Variants in USH2A observed in about 807,000 individuals in gnomAD.
USH2A encodes Usher syndrome 2A (autosomal recessive, mild).
A neutral mutation model predicts 538.9 loss-of-function variants in USH2A; 443 were observed. The ratio of observed to expected loss-of-function variants is 0.82; its 90% CI spans 0.76 to 0.89. USH2A has a LOEUF of 0.89. USH2A is among the 40% of genes least tolerant of loss of function. The pLI, the probability that USH2A is intolerant of heterozygous loss-of-function variation, is 0.00. For synonymous variants in USH2A, 2,413 were observed against 2,273.5 expected (o/e 1.06, Z -1.75); for missense variants, 6,633 against 6,324.8 (o/e 1.05, Z -1.65).
chr1:216,086,556 ATGGTTCCTTT>A, intron 24 of USH2A, among the ~76,000 whole-genome samples, 153 bp downstream of exon 24: 1 of 152,152 alleles, frequency 6.6e-6, no homozygotes, highest in African/African-American at 2.4e-5. Flanking sequence ...TATGGAATAC[ATGGTTCCTTT>A]AAAAAAAAGA....
intron 21 of USH2A, among the ~76,000 whole-genome samples, chr1:216,125,632 G>T (rs1304409215): frequency 6.6e-6 from 1 of 152,112 alleles, no homozygotes; most frequent in African/African-American, 2.4e-5. Flanking sequence ...GTTGCCTCTG[G>T]ATAAACATCT....
chr1:215,784,088 G>C (rs1661722790), intron 52 of USH2A, among the ~76,000 whole-genome samples: 1 of 152,038 alleles, frequency 6.6e-6, no homozygotes, highest in African/African-American at 2.4e-5. Context: ...GCCACTTGTT[G>C]CCTGTGATGG....
intron 21 of USH2A, among the ~76,000 whole-genome samples, chr1:216,128,497 A>T (rs1490457520): frequency 2.0e-5 from 3 of 152,090 alleles, no homozygotes; most frequent in Admixed American, 6.6e-5. Context: ...CATAGACAAG[A>T]TCCCATTTAA....
At chr1:216,210,659 G>A (rs1244454702) in intron 15 of USH2A, among the ~76,000 whole-genome samples, 4 of 152,092 alleles carry the variant, frequency 2.6e-5, no homozygotes, top group Non-Finnish European at 2.9e-5. Flanking sequence ...AGTAGTAACT[G>A]TTGTAGTGAT....
intron 58 of USH2A, among the ~76,000 whole-genome samples, chr1:215,756,417 C>T (rs895904384): frequency 4.6e-5 from 7 of 152,172 alleles, no homozygotes; most frequent in South Asian, 2.1e-4. Context: ...CATGGGACTT[C>T]CCAGTCATAT....
At chr1:216,222,092 G>A (rs765766884) in intron 14 of USH2A, among the ~76,000 whole-genome samples, 8 of 152,150 alleles carry the variant, frequency 5.3e-5, no homozygotes, top group Non-Finnish European at 2.9e-5. Context: ...ATAGGGTAGA[G>A]TTTAACCAAA....
intron 32 of USH2A, among the ~76,000 whole-genome samples, chr1:216,008,221 C>G (rs986167028): frequency 2.0e-5 from 3 of 152,028 alleles, no homozygotes; most frequent in Non-Finnish European, 4.4e-5. Flanking sequence ...CGGTTCCTGC[C>G]TTAACTGCTG....
At chr1:215,714,915 AT>A (rs1378174853) in intron 61 of USH2A, among the ~76,000 whole-genome samples, 5 of 152,202 alleles carry the variant, frequency 3.3e-5, no homozygotes, top group African/African-American at 1.2e-4. Context: ...ATTCCCAAAG[AT>A]TTTTGATTAT....
At chr1:215,674,033 C>G in intron 63 of USH2A, 67 bp downstream of exon 63, 2 of 1,612,920 alleles carry the variant, frequency 1.2e-6, no homozygotes, top group Non-Finnish European at 1.7e-6. Context: ...TAGAACTGAC[C>G]AAGGGCTCAG....
At chr1:216,192,816 C>G (rs2034747928) in intron 19 of USH2A, among the ~76,000 whole-genome samples, 1 of 151,982 alleles carries the variant, frequency 6.6e-6, no homozygotes, top group Non-Finnish European at 1.5e-5. Context: ...ATTTATTTTC[C>G]TGCCCCATTA....
At chr1:216,035,608 A>G (rs1212747844) in intron 32 of USH2A, among the ~76,000 whole-genome samples, 2 of 152,160 alleles carry the variant, frequency 1.3e-5, no homozygotes, top group African/African-American at 4.8e-5. Context: ...TTGAGCAACA[A>G]ATATTTGTAT....
Position 215,785,500 on chromosome 1 carries a change from G to T in USH2A, c.10387+1170C>A, listed in dbSNP as rs182351509. ...GTTAAATGACCATATTTATATGATT[G>T]CTTTGTTGGTAACTGAGATAAGGTT... On this transcript the variant is annotated intron_variant, in intron 52 of 71. Transcript: ENST00000307340. Among the ~76,000 whole-genome samples, 684 of 152,190 alleles carry T rather than the reference G, an allele frequency of 4.5e-3. 2 individuals carry two copies. The highest frequency in any genetic ancestry group is 6.8e-3 in the Middle Eastern group (2 of 294).
chr1:215,844,631 G>A, intron 45 of USH2A, 135 bp from the exon 46 acceptor site: 1 of 902,576 alleles, frequency 1.1e-6, no homozygotes, highest in Non-Finnish European at 1.7e-6. Context: ...AGTTATCACA[G>A]TCTGTAGTCC....
Position 216,421,935 on chromosome 1 carries a change from G to A in USH2A, c.402C>T (p.Ser134=). 1 of 1,613,984 alleles carries A rather than the reference G, an allele frequency of 6.2e-7. No individual in the cohort carries two copies. Among genetic ancestry groups the A allele is most frequent in the South Asian group, 1.1e-5 (1 of 91,092 alleles). ...SASFIFGNHK[S]CFSSPPSPKL... ...TTGGAGAAGGAGGAGAAGAAAAGCA[G>A]CTCTTGTGATTTCCAAAAATAAAAC... Residue 134 remains serine, a synonymous_variant, in exon 2 of 72, where the codon AGC becomes AGT. Coordinates refer to ENST00000307340, the MANE Select transcript of USH2A (RefSeq NM_206933.4).
At chr1:215,934,574 C>T (rs1168591937) in intron 38 of USH2A, 42 bp downstream of exon 38, 1 of 1,588,188 alleles carries the variant, frequency 6.3e-7, no homozygotes, top group African/African-American at 1.3e-5. Context: ...AATTCTAGGG[C>T]ATTTATATAA....
At chr1:215,772,689 A>AT (rs1409334954) in intron 55 of USH2A, among the ~76,000 whole-genome samples, 1 of 152,212 alleles carries the variant, frequency 6.6e-6, no homozygotes, top group Non-Finnish European at 1.5e-5. Context: ...TAATCTCTTG[A>AT]TAAATAGTCA....
chr1:215,840,003 C>A (rs11120662), intron 46 of USH2A, among the ~76,000 whole-genome samples: 1,897 of 151,140 alleles, frequency 0.013, 50 homozygotes, highest in African/African-American at 0.044. Context: ...ACTGAAAATA[C>A]ACACAAAAGA....
At chr1:215,966,763 A>G (rs1260068320) in intron 36 of USH2A, among the ~76,000 whole-genome samples, 1 of 152,188 alleles carries the variant, frequency 6.6e-6, no homozygotes, top group Non-Finnish European at 1.5e-5. Context: ...ATGCCTATCT[A>G]TATAGTTCAT....
chr1:216,217,713 A>T (rs926870059), intron 14 of USH2A, among the ~76,000 whole-genome samples, 163 bp from the exon 15 acceptor site: 5 of 152,136 alleles, frequency 3.3e-5, no homozygotes, highest in Admixed American at 3.3e-4. Flanking sequence ...AACATAAAAT[A>T]AAGGAAAATA....
Sources: allele counts gnomAD v4.1 joint callset (sites outside exome capture counted in the v4.1 genomes callset), GRCh38; gene constraint gnomAD v4.1.1; transcripts MANE v1.5; gene names NCBI Gene and HGNC (gene_info 2026-07-23, HGNC 2026-07-21).